CELF2: variants seen among roughly 807,000 people sequenced by gnomAD.
CELF2 encodes CUGBP Elav-like family member 2.
CELF2 carries 8 observed loss-of-function variants against 62.6 expected under a neutral mutation model. The observed-to-expected ratio is 0.13, with a 90% CI of 0.07 to 0.23. CELF2 has a LOEUF of 0.23. CELF2 is among the 10% of genes least tolerant of loss of function. CELF2 has a pLI of 1.00. For synonymous variants in CELF2, 258 were observed against 250.0 expected (o/e 1.03, Z -0.30); for missense variants, 333 against 671.0 (o/e 0.50, Z 5.56).
chr10:10,733,651 G>A, the CELF2 span, among the ~76,000 whole-genome samples: 1 of 152,260 alleles, frequency 6.6e-6, no homozygotes, highest in Non-Finnish European at 1.5e-5. Context: ...TGAAAATCCT[G>A]TCTTGCATGG....
At chr10:10,694,824 A>G in the CELF2 span, among the ~76,000 whole-genome samples, 1 of 151,726 alleles carries the variant, frequency 6.6e-6, no homozygotes, top group Non-Finnish European at 1.5e-5. Flanking sequence ...ATCAGAGATG[A>G]GGATTGCAAC....
chr10:10,663,266 G>A, the CELF2 span, among the ~76,000 whole-genome samples: 7 of 152,128 alleles, frequency 4.6e-5, no homozygotes, highest in African/African-American at 1.7e-4. Flanking sequence ...TTATTTCTCC[G>A]TGGTTGTTCA....
chr10:10,813,443 C>T (rs932282055), intron 1 of CELF2, among the ~76,000 whole-genome samples: 1 of 152,220 alleles, frequency 6.6e-6, no homozygotes, highest in African/African-American at 2.4e-5. Flanking sequence ...CAGTTTTATA[C>T]ATTTGATCAT....
In CELF2 at chr10:11,217,585, GCTCTTAGTGCC is replaced by G; in HGVS notation, c.354+79_354+89del. 9.4e-7 allele frequency: 1 copy of G among 1,063,810 alleles called. No individual in the cohort carries two copies. The highest frequency in any genetic ancestry group is 2.1e-5 in the Admixed American group (1 of 48,074). 65.9% of individuals were successfully genotyped at this position (1,063,810 alleles called of 1,614,324 possible). On this transcript the variant is annotated intron_variant, in intron 3 of 12. Coordinates refer to ENST00000633077, the MANE Select transcript of CELF2 (RefSeq NM_001326342.2). The surrounding 1 kb of genome is among the most constrained non-coding windows in gnomAD (Gnocchi z 5.6). ...TTTCAACTGAAGGTTCTAGTTATGG[GCTCTTAGTGCC>G]AAAAATGACTTTGGTCTTTTGAGGA...
chr10:11,243,359 C>CA lies in CELF2; in HGVS notation c.355-5777dup, dbSNP rs35245941. 0.01 allele frequency among the ~76,000 whole-genome samples: 933 copies of CA among 91,012 alleles called. 6 individuals carry two copies. Among genetic ancestry groups the CA allele is most frequent in the East Asian group, 0.07 (173 of 2,484 alleles). 59.7% of individuals were successfully genotyped at this position (91,012 alleles called of 152,430 possible). ...GTGCGGCTTTAGGCAAAATGTTATTCAAAAAAAAAAAAAAAAAGCTTCTAA... is the reference window on the plus strand; with the variant it reads ...GTGCGGCTTTAGGCAAAATGTTATTCAAAAAAAAAAAAAAAAAAGCTTCTAA... On this transcript the variant is annotated intron_variant, in intron 3 of 12. Transcript: ENST00000633077. The surrounding 1 kb of genome is among the most constrained non-coding windows in gnomAD (Gnocchi z 4.1).
the CELF2 span, among the ~76,000 whole-genome samples, chr10:10,466,930 G>A: frequency 6.6e-6 from 1 of 151,844 alleles, no homozygotes; most frequent in Non-Finnish European, 1.5e-5. Flanking sequence ...TTTTTCTCCT[G>A]GATAGACATC....
At chr10:11,150,305 C>G (rs529404309) in intron 1 of CELF2, among the ~76,000 whole-genome samples, 1 of 152,210 alleles carries the variant, frequency 6.6e-6, no homozygotes, top group South Asian at 2.1e-4. Flanking sequence ...TACTTTGTGA[C>G]GCCCCTCCCA....
intron 2 of CELF2, among the ~76,000 whole-genome samples, chr10:11,197,248 G>A (rs1367772390): frequency 6.6e-6 from 1 of 152,082 alleles, no homozygotes; most frequent in African/African-American, 2.4e-5. Flanking sequence ...ACTTGGGACT[G>A]AAGCTGCCCT....
At chr10:10,806,743 A>T (rs959737370) in intron 1 of CELF2, among the ~76,000 whole-genome samples, 5 of 152,190 alleles carry the variant, frequency 3.3e-5, no homozygotes, top group African/African-American at 1.2e-4. Context: ...GAAGGGAGAA[A>T]AAGTGAAAAC....
chr10:10,877,499 C>T (rs1375516838), intron 1 of CELF2, among the ~76,000 whole-genome samples: 3 of 152,202 alleles, frequency 2.0e-5, no homozygotes, highest in African/African-American at 7.2e-5. Context: ...CTAGCCTCTC[C>T]AAAGGAGAAC....
chr10:10,568,921 G>A, the CELF2 span, among the ~76,000 whole-genome samples: 2 of 152,162 alleles, frequency 1.3e-5, no homozygotes, highest in Admixed American at 6.5e-5. Flanking sequence ...TTAAAGAAGC[G>A]ACTTCTAGTT....
chr10:11,080,313 T>G (rs1188538674), intron 1 of CELF2, among the ~76,000 whole-genome samples: 2 of 145,522 alleles, frequency 1.4e-5, no homozygotes, highest in Non-Finnish European at 3.0e-5. Flanking sequence ...TCTTTTACAG[T>G]CATGAATGGA....
At chr10:11,320,587 C>T (rs1019790531) in intron 10 of CELF2, among the ~76,000 whole-genome samples, 7 of 130,356 alleles carry the variant, frequency 5.4e-5, no homozygotes, top group Admixed American at 4.5e-4. Flanking sequence ...TAGTCCCTGA[C>T]ATCATCATTC....
At chr10:10,573,648 A>G in the CELF2 span, among the ~76,000 whole-genome samples, 1 of 152,294 alleles carries the variant, frequency 6.6e-6, no homozygotes, top group African/African-American at 2.4e-5. Flanking sequence ...CAAATAAAAT[A>G]TGCAAACATC....
chr10:10,539,382 C>T, the CELF2 span, among the ~76,000 whole-genome samples: 2 of 151,990 alleles, frequency 1.3e-5, no homozygotes, highest in African/African-American at 2.4e-5. Flanking sequence ...GGGGATTGGC[C>T]TTTTGCTTAA....
chr10:11,006,076 T>C (rs948292163), intron 1 of CELF2, among the ~76,000 whole-genome samples: 2 of 152,166 alleles, frequency 1.3e-5, no homozygotes, highest in African/African-American at 4.8e-5. Flanking sequence ...CACTGACCTT[T>C]TGGGAAGCAG....
chr10:11,315,067 T>C lies in CELF2; in HGVS notation c.1096+809T>C, dbSNP rs1448110619. Reference sequence around the variant, plus strand: ...GCCCACCCGCTCCTGTCATTCTCGGTTGATGGGGGAGCAGTGTGCCGGCCA... The same window carrying C: ...GCCCACCCGCTCCTGTCATTCTCGGCTGATGGGGGAGCAGTGTGCCGGCCA... On this transcript the variant is annotated intron_variant, in intron 10 of 12. Coordinates refer to ENST00000633077, the MANE Select transcript of CELF2 (RefSeq NM_001326342.2). This position sits in a 1 kb window ranked among gnomAD's most constrained non-coding sequence, Gnocchi z 5.8. Among the ~76,000 whole-genome samples, 1 of 152,138 alleles carries C rather than the reference T, an allele frequency of 6.6e-6. No homozygotes were observed. The highest frequency in any genetic ancestry group is 1.5e-5 in the Non-Finnish European group (1 of 68,010).
chr10:11,180,346 C>T (rs1221384672), intron 2 of CELF2, among the ~76,000 whole-genome samples: 1 of 152,194 alleles, frequency 6.6e-6, no homozygotes, highest in Non-Finnish European at 1.5e-5. Flanking sequence ...ATCCCTCCTC[C>T]ACCACCGCTT....
At chr10:10,740,060 A>T in the CELF2 span, among the ~76,000 whole-genome samples, 1 of 151,550 alleles carries the variant, frequency 6.6e-6, no homozygotes, top group African/African-American at 2.4e-5. Flanking sequence ...CTCTCAATTC[A>T]TAGACTGTCT....
Sources: gnomAD v4.1 joint callset for allele counts (sites outside exome capture counted in the v4.1 genomes callset) on GRCh38, gnomAD v4.1.1 for gene constraint, Gnocchi (gnomAD v3.1) non-coding constraint, MANE v1.5 for transcripts, NCBI Gene and HGNC (gene_info 2026-07-23, HGNC 2026-07-21) for gene names.